SHISA9: variants seen among roughly 807,000 people sequenced by gnomAD.
SHISA9 encodes shisa family member 9.
Under a neutral mutation model 38.0 loss-of-function variants are expected in SHISA9, and 13 were observed. That is an observed-to-expected ratio of 0.34 (90% CI 0.22 to 0.54). The LOEUF (loss-of-function observed/expected upper bound fraction) is 0.54. Ranked by LOEUF, SHISA9 falls within the 20% of genes least tolerant of loss-of-function variation. The pLI is 0.91. For synonymous variants in SHISA9, 275 were observed against 242.0 expected, an observed-to-expected ratio of 1.14 and a Z score of -1.27; for missense variants, 538 against 575.8, an observed-to-expected ratio of 0.93 and a Z score of 0.67.
At chr16:12,999,484 C>T (rs1471318283) in intron 2 of SHISA9, among the ~76,000 whole-genome samples, 1 of 152,182 alleles carries the variant, frequency 6.6e-6, no homozygotes, top group Non-Finnish European at 1.5e-5. Context: ...TAGGTGAATT[C>T]ACAAATACAG....
At chr16:13,488,893 C>T in the SHISA9 span, among the ~76,000 whole-genome samples, 6 of 152,204 alleles carry the variant, frequency 3.9e-5, no homozygotes, top group Admixed American at 6.5e-5. Context: ...TCCTGAGTAG[C>T]TGGGACTACA....
the SHISA9 span, among the ~76,000 whole-genome samples, chr16:13,386,974 C>T: frequency 9.5e-3 from 1,441 of 152,258 alleles, 27 homozygotes; most frequent in African/African-American, 0.032. Context: ...TGACTGAATA[C>T]GGCTTTAACA....
chr16:13,183,094 C>T (rs933386276), intron 2 of SHISA9, among the ~76,000 whole-genome samples: 2 of 152,184 alleles, frequency 1.3e-5, no homozygotes, highest in African/African-American at 4.8e-5. Flanking sequence ...GTAGAATTGC[C>T]TGGCATTTGA....
the SHISA9 span, among the ~76,000 whole-genome samples, chr16:13,264,748 G>A: frequency 6.6e-6 from 1 of 151,966 alleles, no homozygotes; most frequent in African/African-American, 2.4e-5. Context: ...AAACAAAACA[G>A]CACTGAGCAC....
the SHISA9 span, among the ~76,000 whole-genome samples, chr16:13,277,587 A>G: frequency 6.6e-6 from 1 of 151,618 alleles, no homozygotes; most frequent in African/African-American, 2.4e-5. Context: ...ATCATCTATG[A>G]TTTCTTTCAG....
chr16:12,940,223 T>A (rs1056565840), intron 2 of SHISA9, among the ~76,000 whole-genome samples: 3 of 152,194 alleles, frequency 2.0e-5, no homozygotes, highest in Non-Finnish European at 4.4e-5. Flanking sequence ...GGGGCCCATC[T>A]TGCCATTGTT....
At chr16:13,001,658 T>C (rs904467118) in intron 2 of SHISA9, among the ~76,000 whole-genome samples, 1 of 152,362 alleles carries the variant, frequency 6.6e-6, no homozygotes, top group Non-Finnish European at 1.5e-5. Context: ...GTATATGCAA[T>C]GTTTAACTCA....
At chr16:12,939,574 T>C (rs1175200876) in intron 2 of SHISA9, among the ~76,000 whole-genome samples, 1 of 152,168 alleles carries the variant, frequency 6.6e-6, no homozygotes, top group African/African-American at 2.4e-5. Context: ...GTCAACCCCA[T>C]GGGAAATTTA....
chr16:13,377,571 T>A, the SHISA9 span, among the ~76,000 whole-genome samples: 1 of 152,180 alleles, frequency 6.6e-6, no homozygotes, highest in Non-Finnish European at 1.5e-5. Flanking sequence ...ACCTTTAATA[T>A]GCTAATAAAA....
chr16:13,229,891 C>T (rs1031484436), intron 4 of SHISA9, among the ~76,000 whole-genome samples: 3 of 152,162 alleles, frequency 2.0e-5, no homozygotes, highest in African/African-American at 7.2e-5. Flanking sequence ...GGGATAGACT[C>T]TGCAGCTCAG....
chr16:13,163,000 A>C (rs949833667), intron 2 of SHISA9, among the ~76,000 whole-genome samples: 7 of 152,158 alleles, frequency 4.6e-5, no homozygotes, highest in African/African-American at 1.7e-4. Flanking sequence ...AAAATAATGA[A>C]TGAAAGAAGG....
chr16:13,115,392 A>G (rs2074022014), intron 2 of SHISA9, among the ~76,000 whole-genome samples: 3 of 152,264 alleles, frequency 2.0e-5, no homozygotes, highest in Non-Finnish European at 4.4e-5. Flanking sequence ...TGTTAAATTA[A>G]CTAAAAGTAT....
chr16:12,907,151 C>T (rs34674066), intron 1 of SHISA9, among the ~76,000 whole-genome samples: 30,296 of 112,244 alleles, frequency 0.27, 5,789 homozygotes, highest in Non-Finnish European at 0.4. Context: ...CCCTCCCTCC[C>T]TCCCTCCTTC....
chr16:13,008,769 C>G (rs531806898), intron 2 of SHISA9, among the ~76,000 whole-genome samples: 1 of 151,484 alleles, frequency 6.6e-6, no homozygotes, highest in African/African-American at 2.4e-5. Context: ...TGAGGCCTGC[C>G]CAGCCATACA....
chr16:12,908,239 A>G (rs1167844933), intron 1 of SHISA9, among the ~76,000 whole-genome samples: 1 of 152,212 alleles, frequency 6.6e-6, no homozygotes, highest in Non-Finnish European at 1.5e-5. Context: ...TTGCTCTGCT[A>G]TATTTATTTA....
At chr16:13,059,363 G>A (rs1291604452) in intron 2 of SHISA9, among the ~76,000 whole-genome samples, 1 of 151,956 alleles carries the variant, frequency 6.6e-6, no homozygotes, top group East Asian at 1.9e-4. Flanking sequence ...TCCTGACCTC[G>A]TGATCTGCCC....
the SHISA9 span, among the ~76,000 whole-genome samples, chr16:13,561,689 C>A: frequency 6.6e-6 from 1 of 152,198 alleles, no homozygotes; most frequent in African/African-American, 2.4e-5. Context: ...CGGTGCCATG[C>A]AGGTCAAGGT....
At chr16:13,125,461 C>T (rs2050248269) in intron 2 of SHISA9, among the ~76,000 whole-genome samples, 1 of 152,144 alleles carries the variant, frequency 6.6e-6, no homozygotes, top group Admixed American at 6.5e-5. Flanking sequence ...TACTTCTTTC[C>T]TGGCAAACGA....
chr16:12,941,956 C>A (rs1406541304), intron 2 of SHISA9, among the ~76,000 whole-genome samples: 1 of 152,180 alleles, frequency 6.6e-6, no homozygotes, highest in Non-Finnish European at 1.5e-5. Context: ...CACTCCAATG[C>A]AGGTTTGGGG....
Sources: gnomAD v4.1 joint callset for allele counts (sites outside exome capture counted in the v4.1 genomes callset) on GRCh38, gnomAD v4.1.1 for gene constraint, MANE v1.5 for transcripts, NCBI Gene and HGNC (gene_info 2026-07-23, HGNC 2026-07-21) for gene names.